DENND5A: variants seen among roughly 807,000 people sequenced by gnomAD.
DENND5A encodes DENN domain containing 5A.
Under a neutral mutation model 140.3 loss-of-function variants are expected in DENND5A, and 64 were observed. The observed-to-expected ratio is 0.46, with a 90% CI of 0.37 to 0.56. The LOEUF is 0.56. Among genes scored for constraint, DENND5A ranks in the 20% least tolerant of loss-of-function variants. The pLI, the probability that DENND5A is intolerant of heterozygous loss-of-function variation, is 0.00. For synonymous variants in DENND5A, 605 were observed against 607.7 expected (o/e 1.00, Z 0.07); for missense variants, 1,292 against 1,593.8 (o/e 0.81, Z 3.22).
intron 1 of DENND5A, among the ~76,000 whole-genome samples, chr11:9,215,155 C>A (rs1418777043): frequency 6.6e-6 from 1 of 152,196 alleles, no homozygotes; most frequent in Non-Finnish European, 1.5e-5. Flanking sequence ...CACTCTCTTT[C>A]TCAATACATT....
chr11:9,151,414 C>T (rs893894732), intron 13 of DENND5A, among the ~76,000 whole-genome samples: 5 of 152,178 alleles, frequency 3.3e-5, no homozygotes, highest in Admixed American at 2.6e-4. Context: ...TAAGAACCTG[C>T]TTTTACACAT....
intron 1 of DENND5A, among the ~76,000 whole-genome samples, chr11:9,227,965 T>C (rs1850600078): frequency 6.6e-6 from 1 of 151,362 alleles, no homozygotes; most frequent in Admixed American, 6.6e-5. Context: ...TACAAAAAAT[T>C]AGCCGGGCAT....
At chr11:9,240,524 A>G (rs1213051663) in intron 1 of DENND5A, among the ~76,000 whole-genome samples, 1 of 152,184 alleles carries the variant, frequency 6.6e-6, no homozygotes, top group Non-Finnish European at 1.5e-5. Flanking sequence ...AGCCTGGGCA[A>G]CGTGGTGAAA....
At chr11:9,223,620 G>T (rs1319620824) in intron 1 of DENND5A, among the ~76,000 whole-genome samples, 1 of 151,146 alleles carries the variant, frequency 6.6e-6, no homozygotes, top group Non-Finnish European at 1.5e-5. Context: ...TTGGGAGGCT[G>T]AGGTGGGAGG....
chr11:9,234,778 G>A (rs6486226), intron 1 of DENND5A, among the ~76,000 whole-genome samples: 62,738 of 152,010 alleles, frequency 0.41, 13,457 homozygotes, highest in South Asian at 0.6. Flanking sequence ...CCTTTATTTC[G>A]GCCCATCCCT....
intron 1 of DENND5A, among the ~76,000 whole-genome samples, chr11:9,233,197 G>A (rs1035396811): frequency 2.8e-4 from 43 of 152,010 alleles, no homozygotes; most frequent in Non-Finnish European, 5.6e-4. Context: ...TCAGGAGTTC[G>A]AGACCAGCCT....
In DENND5A at chr11:9,147,072, C is replaced by A; in HGVS notation, c.2815G>T (p.Ala939Ser). 1 of 1,614,162 alleles carries A rather than the reference C, an allele frequency of 6.2e-7. No individual in the cohort carries two copies. The highest frequency in any genetic ancestry group is 8.5e-7 in the Non-Finnish European group (1 of 1,179,996). ...QFLYHLLSFN[A>S]VDYFCFTNVF... ...TTGGTGAAGCAAAAGTAATCGACGGCATTGAAAGACAGGAGGTGATAGAGG... is the reference window on the plus strand; with the variant it reads ...TTGGTGAAGCAAAAGTAATCGACGGAATTGAAAGACAGGAGGTGATAGAGG... Residue 939 changes from alanine to serine, a missense_variant, in exon 16 of 23, where the codon GCC becomes TCC. By Grantham distance (99) the Ala-to-Ser change is moderately conservative. Around this residue, in one of 4 missense-constraint regions of DENND5A, gnomAD observed 498 missense variants for 689.7 expected, o/e 0.72. Transcript: ENST00000328194.
At chr11:9,145,548 C>A in intron 17 of DENND5A, 122 bp downstream of exon 17, 1 of 1,088,934 alleles carries the variant, frequency 9.2e-7, no homozygotes. Flanking sequence ...TCAGGAAGGT[C>A]AGCTATGCTG....
intron 1 of DENND5A, among the ~76,000 whole-genome samples, chr11:9,221,956 A>T (rs1850330718): frequency 6.6e-6 from 1 of 151,300 alleles, no homozygotes; most frequent in Admixed American, 6.6e-5. Context: ...ATGAGGTTTC[A>T]CAGTGTTGGC....
intron 11 of DENND5A, among the ~76,000 whole-genome samples, chr11:9,165,482 C>T (rs1376335139): frequency 6.6e-6 from 1 of 152,026 alleles, no homozygotes. Context: ...CTCTGTTGCC[C>T]AGGCAGGAGT....
chr11:9,163,680 T>A (rs947910788), intron 11 of DENND5A, among the ~76,000 whole-genome samples: 1 of 151,928 alleles, frequency 6.6e-6, no homozygotes, highest in Non-Finnish European at 1.5e-5. Context: ...GGTGCACTCC[T>A]GTAATCCCAG....
At chr11:9,207,498 G>A in intron 2 of DENND5A, 63 bp downstream of exon 2, 2 of 1,255,462 alleles carry the variant, frequency 1.6e-6, no homozygotes, top group Non-Finnish European at 2.3e-6. Context: ...AAATGCCACT[G>A]GAGAGATATA....
intron 5 of DENND5A, among the ~76,000 whole-genome samples, chr11:9,192,454 C>A (rs945469606): frequency 5.9e-5 from 9 of 152,088 alleles, no homozygotes; most frequent in Non-Finnish European, 4.4e-5. Context: ...TAGTGAAACC[C>A]CGTCTCTACT....
intron 9 of DENND5A, 123 bp downstream of exon 9, chr11:9,170,504 G>T: frequency 1.6e-6 from 2 of 1,243,830 alleles, no homozygotes; most frequent in South Asian, 1.5e-5. Context: ...GATAGTCTGG[G>T]TCTTCTCCAT....
At chr11:9,263,170 C>T (rs896643740) in intron 1 of DENND5A, among the ~76,000 whole-genome samples, 2 of 152,022 alleles carry the variant, frequency 1.3e-5, no homozygotes, top group South Asian at 4.1e-4. Flanking sequence ...TTTTTTCTAA[C>T]CTTGTTAAAG....
chr11:9,221,226 T>A (rs1308974376), intron 1 of DENND5A, among the ~76,000 whole-genome samples: 2 of 148,590 alleles, frequency 1.3e-5, no homozygotes, highest in Non-Finnish European at 3.0e-5. Flanking sequence ...AAGTCAGGAG[T>A]TCAAGACCAG....
At chr11:9,249,831 T>A (rs910004580) in intron 1 of DENND5A, among the ~76,000 whole-genome samples, 26 of 152,032 alleles carry the variant, frequency 1.7e-4, no homozygotes, top group African/African-American at 6.0e-4. Context: ...ATTACAGGCA[T>A]GAGCCACCGT....
chr11:9,142,905 T>A, intron 20 of DENND5A, 60 bp from the exon 21 acceptor site: 1 of 1,598,808 alleles, frequency 6.3e-7, no homozygotes, highest in African/African-American at 1.3e-5. Flanking sequence ...CCTCCCACCA[T>A]TGCATCCCTA....
intron 1 of DENND5A, among the ~76,000 whole-genome samples, chr11:9,215,818 G>C (rs1289026317): frequency 6.6e-6 from 1 of 152,126 alleles, no homozygotes; most frequent in African/African-American, 2.4e-5. Flanking sequence ...CCAAAGTGCT[G>C]GGATTACAAG....
Sources: gnomAD v4.1 joint callset for allele counts (sites outside exome capture counted in the v4.1 genomes callset) on GRCh38, gnomAD v4.1.1 for gene constraint, gnomAD v4.1.1 regional missense constraint, MANE v1.5 for transcripts, NCBI Gene and HGNC (gene_info 2026-07-23, HGNC 2026-07-21) for gene names.